GNPTAB: variants seen among roughly 807,000 people sequenced by gnomAD.
The protein encoded by GNPTAB is N-acetylglucosamine-1-phosphate transferase subunits alpha and beta.
A neutral mutation model predicts 136.6 loss-of-function variants in GNPTAB; 92 were observed. The observed-to-expected ratio is 0.67, with a 90% CI of 0.57 to 0.80. GNPTAB has a LOEUF of 0.80. Among genes scored for constraint, GNPTAB ranks in the 30% least tolerant of loss-of-function variants. The pLI is 0.00. For synonymous variants in GNPTAB, 512 were observed against 535.1 expected (o/e 0.96, Z 0.60); for missense variants, 1,343 against 1,501.8 (o/e 0.89, Z 1.75).
chr12:101,794,006 C>T (rs1869139863), intron 2 of GNPTAB, among the ~76,000 whole-genome samples: 1 of 152,054 alleles, frequency 6.6e-6, no homozygotes, highest in South Asian at 2.1e-4. Flanking sequence ...ACCGCCCTGG[C>T]TAATTTTTGT....
intron 10 of GNPTAB, among the ~76,000 whole-genome samples, chr12:101,768,601 G>A (rs1026073320): frequency 3.9e-5 from 6 of 152,122 alleles, no homozygotes; most frequent in Admixed American, 6.5e-5. Flanking sequence ...TCAAGGCTGA[G>A]AGACAATATC....
intron 16 of GNPTAB, among the ~76,000 whole-genome samples, chr12:101,759,750 A>G (rs574648549): frequency 9.8e-5 from 15 of 152,346 alleles, no homozygotes; most frequent in Admixed American, 4.6e-4. Flanking sequence ...TCTCTGGCCA[A>G]TGAGAATACT....
intron 1 of GNPTAB, among the ~76,000 whole-genome samples, chr12:101,822,223 C>T (rs1308926018): frequency 6.6e-6 from 1 of 152,150 alleles, no homozygotes; most frequent in Non-Finnish European, 1.5e-5. Context: ...ACCATCCTGG[C>T]TAACACGGTG....
intron 1 of GNPTAB, among the ~76,000 whole-genome samples, chr12:101,824,008 C>T (rs868736040): frequency 3.3e-5 from 5 of 152,106 alleles, no homozygotes; most frequent in African/African-American, 1.2e-4. Flanking sequence ...TCTGTTGTTC[C>T]GGCCCTTCTT....
chr12:101,783,998 G>A (rs1207911737), intron 5 of GNPTAB, among the ~76,000 whole-genome samples: 1 of 151,992 alleles, frequency 6.6e-6, no homozygotes, highest in Non-Finnish European at 1.5e-5. Context: ...GATTATAGGC[G>A]TGAGCCACCA....
At chr12:101,827,198 C>T (rs1370869614) in intron 1 of GNPTAB, among the ~76,000 whole-genome samples, 4 of 151,966 alleles carry the variant, frequency 2.6e-5, no homozygotes, top group Admixed American at 6.6e-5. Context: ...GGTGCAATCA[C>T]GGCTCATGCA....
Position 101,807,962 on chromosome 12 carries a change from T to C in GNPTAB, c.118-11200A>G, listed in dbSNP as rs968756600. Among the ~76,000 whole-genome samples, 6 of 152,034 alleles carry C rather than the reference T, an allele frequency of 3.9e-5. No individual in the cohort carries two copies. The South Asian group carries it at 6.2e-4, about 16-fold the overall frequency. On this transcript the variant is annotated intron_variant, in intron 1 of 20. Coordinates refer to ENST00000299314, the MANE Select transcript of GNPTAB (RefSeq NM_024312.5). The stretch of plus-strand genomic sequence containing the variant: ...TCTCCTATATAACAACAATGAACAA[T>C]TGGAATTTGAAACTAAAATACACAA...
intron 1 of GNPTAB, among the ~76,000 whole-genome samples, chr12:101,813,891 C>T (rs993564374): frequency 5.3e-5 from 8 of 151,998 alleles, no homozygotes; most frequent in African/African-American, 1.7e-4. Flanking sequence ...CCAGCCTGGC[C>T]AATATGGTGA....
rs75687677 is a variant in GNPTAB at position 101,794,944 on chromosome 12, T to C, written c.203+1733A>G. 8.5e-3 allele frequency among the ~76,000 whole-genome samples: 1,298 copies of C among 152,274 alleles called. 13 individuals are homozygous for C. The highest frequency in any genetic ancestry group is 0.012 in the Non-Finnish European group (801 of 68,020). ...TAATTTTTAAAATCAATTTAAAAAT[T>C]TTTAAAAACGTTTGAAGCTTCTTCG... On this transcript the variant is annotated intron_variant, in intron 2 of 20. Transcript: ENST00000299314.
At position 101,761,284 on chromosome 12, in the gene GNPTAB, A is replaced by C; in HGVS notation, c.2978T>G (p.Phe993Cys). ...GAGATAATAAAAATAAGAGAAGGCA[A>C]ACTGCATATCCTCAGAATGGCGCAC... ...HKVRHSEDMQ[F>C]AFSYFYYLMS... The change falls in exon 15 of 21, where the codon TTT (phenylalanine) becomes TGT (cysteine). Residue 993 changes from phenylalanine (F) to cysteine (C), a missense_variant. Transcript: ENST00000299314. 6.2e-7 allele frequency: 1 copy of C among 1,614,190 alleles called. No individual in the cohort carries two copies. Among genetic ancestry groups the C allele is most frequent in the Non-Finnish European group, 8.5e-7 (1 of 1,180,038 alleles).
At chr12:101,766,546 G>C (rs1215472042) in intron 11 of GNPTAB, among the ~76,000 whole-genome samples, 2 of 152,182 alleles carry the variant, frequency 1.3e-5, no homozygotes, top group Admixed American at 6.5e-5. Flanking sequence ...GCTGAGGCAG[G>C]AGAATTGCTT....
At chr12:101,827,648 G>A (rs147808173) in intron 1 of GNPTAB, among the ~76,000 whole-genome samples, 1 of 152,086 alleles carries the variant, frequency 6.6e-6, no homozygotes, top group African/African-American at 2.4e-5. Flanking sequence ...AGGAGGAGAC[G>A]ATAACAAATT....
At chr12:101,792,651 A>G (rs1039065516) in intron 2 of GNPTAB, among the ~76,000 whole-genome samples, 2 of 151,642 alleles carry the variant, frequency 1.3e-5, no homozygotes, top group Non-Finnish European at 2.9e-5. Context: ...CCCTTCCCTC[A>G]CCTCTCACAA....
chr12:101,787,515 C>T (rs1868724117), intron 4 of GNPTAB, among the ~76,000 whole-genome samples: 1 of 152,026 alleles, frequency 6.6e-6, no homozygotes, highest in South Asian at 2.1e-4. Context: ...CTTCATGTTG[C>T]ACCATTGCTT....
In GNPTAB at chr12:101,771,086, A is replaced by T. The variant is rs1331593139; in HGVS notation, c.843T>A (p.Asn281Lys). ...LNNPKDFQEL[N>K]KQTKKNMTID... The stretch of plus-strand genomic sequence containing the variant: ...TGGTCATGTTCTTCTTAGTTTGCTT[A>T]TTCAATTCTTGAAAATCCTTGGGGT... Residue 281 changes from asparagine to lysine, a missense_variant, in exon 8 of 21, where the codon AAT (asparagine) becomes AAA (lysine). Transcript: ENST00000299314. 6.2e-7 allele frequency: 1 copy of T among 1,613,856 alleles called. No homozygotes were observed. Among genetic ancestry groups the T allele is most frequent in the South Asian group, 1.1e-5 (1 of 91,074 alleles).
chr12:101,783,719 ACTT>A (rs1194980688), intron 5 of GNPTAB, among the ~76,000 whole-genome samples: 2 of 149,372 alleles, frequency 1.3e-5, no homozygotes, highest in East Asian at 3.9e-4. Context: ...ACTAAAAATA[ACTT>A]TTTTTTTTTT....
chr12:101,767,947 G>T, intron 11 of GNPTAB, 90 bp downstream of exon 11: 1 of 1,339,366 alleles, frequency 7.5e-7, no homozygotes, highest in Non-Finnish European at 1.1e-6. Flanking sequence ...CATAAAGAAT[G>T]TTTGGTTAAG....
chr12:101,786,112 A>C lies in GNPTAB; in HGVS notation c.471T>G (p.Leu157=). ...CACTGGCAGAATGAAAAGAAGGATAAAGAGATGGCAGGTCCTTCAGGGTGA... is the reference window on the plus strand; with the variant it reads ...CACTGGCAGAATGAAAAGAAGGATACAGAGATGGCAGGTCCTTCAGGGTGA... ...ANITLKDLPS[L]YPSFHSASDI... is the part of the protein sequence containing the mutation. Residue 157 remains leucine, a synonymous_variant, in exon 5 of 21, where the codon CTT becomes CTG. Transcript: ENST00000299314. The C allele has an allele frequency of 6.2e-7, 1 of 1,614,112 alleles. No homozygotes were observed. Among genetic ancestry groups the C allele is most frequent in the Non-Finnish European group, 8.5e-7 (1 of 1,179,968 alleles).
At chr12:101,829,515 C>T (rs1871261040) in intron 1 of GNPTAB, among the ~76,000 whole-genome samples, 1 of 152,050 alleles carries the variant, frequency 6.6e-6, no homozygotes, top group South Asian at 2.1e-4. Context: ...AGAATTCTAA[C>T]ACCTGATGCC....
Sources: allele counts gnomAD v4.1 joint callset (sites outside exome capture counted in the v4.1 genomes callset), GRCh38; gene constraint gnomAD v4.1.1; transcripts MANE v1.5; gene names NCBI Gene and HGNC (gene_info 2026-07-23, HGNC 2026-07-21).